The following FBN3 variants were observed in gnomAD, a reference collection of about 807,000 sequenced individuals.
FBN3 encodes fibrillin-3.
Under a neutral mutation model 330.1 loss-of-function variants are expected in FBN3, and 234 were observed. That is an observed-to-expected ratio of 0.71 (90% CI 0.64 to 0.79). The LOEUF (loss-of-function observed/expected upper bound fraction) is 0.79, where lower values mean the gene tolerates loss of function less well. Ranked by LOEUF, FBN3 falls within the 30% of genes least tolerant of loss-of-function variation. The pLI, the probability that FBN3 is intolerant of heterozygous loss-of-function variation, is 0.00. For missense variants in FBN3, 3,606 were observed against 3,886.9 expected, an observed-to-expected ratio of 0.93 and a Z score of 1.92; for synonymous variants, 1,458 against 1,517.3, an observed-to-expected ratio of 0.96 and a Z score of 0.91.
chr19:8,103,266 CAAAA>C (rs71165275), intron 39 of FBN3, among the ~76,000 whole-genome samples: 8 of 107,962 alleles, frequency 7.4e-5, no homozygotes, highest in African/African-American at 1.3e-4. Context: ...GACTCTATCT[CAAAA>C]AAAAAAAAAA....
Position 8,138,275 on chromosome 19 carries a change from T to A in FBN3, c.1067A>T (p.His356Leu). ...CAQRLPLLPG[H>L]PGLFPGLLGF... ...CAGGAGGCCAGGGAAGAGGCCAGGG[T>A]GGCCGGGTAGCAGCGGCAGCCGCTG... is the stretch of plus-strand genomic sequence containing the variant. Residue 356 changes from histidine (H) to leucine (L), a missense_variant, in exon 10 of 64, where the codon CAC becomes CTC. Physicochemically the swap from His to Leu is moderately conservative, Grantham distance 99. Transcript: ENST00000600128. 6.2e-7 allele frequency: 1 copy of A among 1,612,696 alleles called. No homozygotes were observed. The highest frequency in any genetic ancestry group is 1.1e-5 in the South Asian group (1 of 90,998).
Position 8,085,483 on chromosome 19 carries a change from C to T in FBN3, c.6967G>A (p.Glu2323Lys), listed in dbSNP as rs756356208. ...CCCCGGCCACCCCCACAGCAGCACT[C>T]GGCCCTGGTGACAGCCTCACTGCTG... ...SSSSEAVTRA[E>K]CCCGGGRGWG... The change falls in exon 56 of 64, where the codon GAG becomes AAG. Residue 2323 changes from glutamate (E) to lysine (K), a missense_variant. Physicochemically the swap from Glu to Lys is moderately conservative, Grantham distance 56. Transcript: ENST00000600128. The T allele has an allele frequency of 2.3e-5, 37 of 1,589,914 alleles. No individual in the cohort carries two copies. The highest frequency in any genetic ancestry group is 1.1e-4 in the African/African-American group (8 of 74,506).
chr19:8,121,427 C>G lies in FBN3; in HGVS notation c.3083-41G>C, dbSNP rs1178788678. On this transcript the variant is annotated intron_variant, in intron 24 of 63. Transcript: ENST00000600128. The surrounding 1 kb of genome is among the most constrained non-coding windows in gnomAD (Gnocchi z 4.5). Reference sequence around the variant, plus strand: ...GCAGAGGCCGGAGGCGCCATGTGGGCCGCATCATGGGGCACGAGGCAGGGG... The same window carrying G: ...GCAGAGGCCGGAGGCGCCATGTGGGGCGCATCATGGGGCACGAGGCAGGGG... 2 of 1,543,680 alleles carry G rather than the reference C, an allele frequency of 1.3e-6. No homozygotes were observed. Among genetic ancestry groups the G allele is most frequent in the Non-Finnish European group, 1.8e-6 (2 of 1,141,530 alleles).
In FBN3 at chr19:8,126,782, G is replaced by C; in HGVS notation, c.2347C>G (p.Leu783Val). The C allele has an allele frequency of 6.3e-7, 1 of 1,591,622 alleles. No individual in the cohort carries two copies. The highest frequency in any genetic ancestry group is 8.5e-7 in the Non-Finnish European group (1 of 1,170,512). Residue 783 changes from leucine to valine, a missense_variant, in exon 19 of 64, where the codon CTG (leucine) becomes GTG (valine). Physicochemically the swap from Leu to Val is conservative, Grantham distance 32. Transcript: ENST00000600128. ...CATTTGCAGGTGTAGGAGCCGGCCA[G>C]GTTCCGACAGACGCCACTCACACAC... is the stretch of plus-strand genomic sequence containing the variant. ...SPCVSGVCRN[L>V]AGSYTCKCGP...
intron 30 of FBN3, among the ~76,000 whole-genome samples, chr19:8,113,704 A>G (rs1216491921): frequency 6.6e-6 from 1 of 151,928 alleles, no homozygotes; most frequent in Non-Finnish European, 1.5e-5. Flanking sequence ...GCGAGACCTC[A>G]TCTTTACAAA....
At chr19:8,099,176 A>G (rs2082273821) in intron 41 of FBN3, among the ~76,000 whole-genome samples, 1 of 152,144 alleles carries the variant, frequency 6.6e-6, no homozygotes, top group Admixed American at 6.6e-5. Context: ...CTAGAAAGAA[A>G]TATTCCAGCC....
intron 13 of FBN3, 26 bp downstream of exon 13, chr19:8,135,935 T>TGGGGGGGGGGGGGGGGGGGGGGGGC: frequency 7.4e-7 from 1 of 1,344,156 alleles, no homozygotes; most frequent in Non-Finnish European, 1.0e-6. Context: ...CGGAAGCCCC[T>TGGGGGGGGGGGGGGGGGGGGGGGGC]GCCCACCCGC....
intron 25 of FBN3, 41 bp from the exon 26 acceptor site, chr19:8,119,063 C>A: frequency 6.4e-7 from 1 of 1,568,142 alleles, no homozygotes; most frequent in Admixed American, 1.7e-5. Context: ...CATGAAGGTG[C>A]TGATGCAGGG....
chr19:8,118,795 A>G (rs2082770604), intron 26 of FBN3, 102 bp downstream of exon 26: 1 of 1,422,332 alleles, frequency 7.0e-7, no homozygotes, highest in Non-Finnish European at 9.7e-7. Flanking sequence ...ACAGATACAC[A>G]TGCCCACCCT....
At position 8,096,879 on chromosome 19, in the gene FBN3, AC is replaced by A; in HGVS notation, c.5413+1del. 1 of 1,612,590 alleles carries A rather than the reference AC, an allele frequency of 6.2e-7. No individual in the cohort carries two copies. Among genetic ancestry groups the A allele is most frequent in the Non-Finnish European group, 8.5e-7 (1 of 1,179,902 alleles). On this transcript the variant is annotated splice_donor_variant, in intron 43 of 63. Coordinates refer to ENST00000600128, the MANE Select transcript of FBN3 (RefSeq NM_032447.5). LOFTEE classifies it high-confidence loss of function. This position sits in a 1 kb window ranked among gnomAD's most constrained non-coding sequence, Gnocchi z 4.6. ...TCACCTCCTCCCAGGGACCCTGCTC[AC>A]CCACACAAGCCCCGCCTGGCGACAG...
Position 8,100,943 on chromosome 19 carries a change from C to A in FBN3, c.5119G>T (p.Ala1707Ser), listed in dbSNP as rs777625105. The change falls in exon 41 of 64, where the codon GCC becomes TCC. Residue 1707 changes from alanine to serine, a missense_variant. By Grantham distance (99) the Ala-to-Ser change is moderately conservative. Coordinates refer to ENST00000600128, the MANE Select transcript of FBN3 (RefSeq NM_032447.5). ...TGGATGTCAGTGAGGAATCCCGGGGCCTGATTTCCACACAGGATCTGGTAG... is the reference window on the plus strand; with the variant it reads ...TGGATGTCAGTGAGGAATCCCGGGGACTGATTTCCACACAGGATCTGGTAG... The part of the protein sequence containing the change: ...PDYQILCGNQ[A>S]PGFLTDIHTG... 6.2e-7 allele frequency: 1 copy of A among 1,613,778 alleles called. No homozygotes were observed. The highest frequency in any genetic ancestry group is 2.2e-5 in the East Asian group (1 of 44,810).
chr19:8,097,970 C>T (rs1195619068), intron 41 of FBN3, among the ~76,000 whole-genome samples: 1 of 152,116 alleles, frequency 6.6e-6, no homozygotes, highest in Admixed American at 6.5e-5. Flanking sequence ...TTGTGGTTGC[C>T]AGGGGCAGAA....
intron 41 of FBN3, among the ~76,000 whole-genome samples, chr19:8,100,419 C>A (rs1159682216): frequency 2.6e-5 from 4 of 152,060 alleles, no homozygotes; most frequent in Admixed American, 2.0e-4. Context: ...CTCACTGCAA[C>A]CTTTGCCTCC....
intron 39 of FBN3, 30 bp downstream of exon 39, chr19:8,103,532 G>T: frequency 6.2e-7 from 1 of 1,605,150 alleles, no homozygotes; most frequent in Non-Finnish European, 8.5e-7. Flanking sequence ...TTCTGTGACT[G>T]CCAGTTCCCT....
At position 8,145,171 on chromosome 19, in the gene FBN3, C is replaced by G. The variant is rs12980636; in HGVS notation, c.446-199G>C. 4.6e-5 allele frequency among the ~76,000 whole-genome samples: 7 copies of G among 151,762 alleles called. No homozygotes were observed. The East Asian group carries it at 1.4e-3, about 30-fold the overall frequency. On this transcript the variant is annotated intron_variant, in intron 5 of 63. Coordinates refer to ENST00000600128, the MANE Select transcript of FBN3 (RefSeq NM_032447.5). ...GGTGGATCACCTGAGGTCAGGGGTT[C>G]GAGACCAGCCTGTCCAATATAGTGA... is the stretch of plus-strand genomic sequence containing the variant.
chr19:8,099,471 G>A (rs553655129), intron 41 of FBN3, among the ~76,000 whole-genome samples: 13 of 151,134 alleles, frequency 8.6e-5, no homozygotes, highest in Admixed American at 7.9e-4. Flanking sequence ...TAGTAGAGAC[G>A]GGGTTTCACC....
At chr19:8,139,660 C>CG (rs964833675) in intron 8 of FBN3, among the ~76,000 whole-genome samples, 2 of 151,956 alleles carry the variant, frequency 1.3e-5, no homozygotes, top group African/African-American at 4.8e-5. Flanking sequence ...CTACAGCCCC[C>CG]GGGGTGACTG....
At chr19:8,110,351 T>C (rs1838418380) in intron 34 of FBN3, among the ~76,000 whole-genome samples, 1 of 152,152 alleles carries the variant, frequency 6.6e-6, no homozygotes, top group South Asian at 2.1e-4. Flanking sequence ...GAGCCACCAC[T>C]CCCAGCCAAA....
chr19:8,132,202 T>C (rs1485898314), intron 14 of FBN3, among the ~76,000 whole-genome samples: 3 of 152,028 alleles, frequency 2.0e-5, no homozygotes, highest in Non-Finnish European at 2.9e-5. Context: ...TTCATCTCCA[T>C]GTTCGGCTAA....
Sources: allele counts gnomAD v4.1 joint callset (sites outside exome capture counted in the v4.1 genomes callset), GRCh38; gene constraint gnomAD v4.1.1; non-coding constraint Gnocchi (gnomAD v3.1); transcripts MANE v1.5; gene names NCBI Gene and HGNC (gene_info 2026-07-23, HGNC 2026-07-21).